The following MYO18B variants were observed in gnomAD, a reference collection of about 807,000 sequenced individuals.
MYO18B encodes the protein unconventional myosin-XVIIIb.
Under a neutral mutation model 273.0 loss-of-function variants are expected in MYO18B, and 204 were observed. The ratio of observed to expected loss-of-function variants is 0.75; its 90% CI spans 0.67 to 0.84. MYO18B has a LOEUF of 0.84. MYO18B is among the 40% of genes least tolerant of loss of function. MYO18B has a pLI of 0.00. For synonymous variants in MYO18B, 1,330 were observed against 1,305.7 expected, an observed-to-expected ratio of 1.02 and a Z score of -0.40; for missense variants, 3,212 against 3,287.6, an observed-to-expected ratio of 0.98 and a Z score of 0.56.
intron 39 of MYO18B, among the ~76,000 whole-genome samples, chr22:25,986,380 C>T (rs1412919978): frequency 6.6e-6 from 1 of 152,048 alleles, no homozygotes; most frequent in South Asian, 2.1e-4. Flanking sequence ...TTGAGGAGTG[C>T]TCAAAGGAAT....
At chr22:25,905,848 C>T (rs1219874970) in intron 31 of MYO18B, among the ~76,000 whole-genome samples, 1 of 152,116 alleles carries the variant, frequency 6.6e-6, no homozygotes, top group Non-Finnish European at 1.5e-5. Flanking sequence ...CTGTGTAGGT[C>T]TTTAAAGGGC....
intron 39 of MYO18B, among the ~76,000 whole-genome samples, chr22:25,975,196 T>C (rs1490630373): frequency 6.6e-6 from 1 of 152,144 alleles, no homozygotes. Context: ...AACCTTGAGA[T>C]GTGGAGGTAA....
rs141418360 is a variant in MYO18B at position 25,758,053 on chromosome 22, G to A, written c.-109-2931G>A. On this transcript the variant is annotated intron_variant, in intron 1 of 43. Transcript: ENST00000335473. The stretch of plus-strand genomic sequence containing the variant: ...TTTTGAGACCAAGTCTCACTCCATT[G>A]CCTAGGCTGGAGTGCAGTGGCACCA... Among the ~76,000 whole-genome samples the A allele has an allele frequency of 2.4e-4, 36 of 152,286 alleles. No individual in the cohort carries two copies. In the East Asian group the frequency reaches 6.6e-3, roughly 28 times the overall value.
rs565182363 is a variant in MYO18B, at chr22:25,776,592, T to C, written c.1870-991T>C. Among the ~76,000 whole-genome samples the C allele has an allele frequency of 8.0e-3, 1,213 of 152,264 alleles. 19 individuals carry two copies. The highest frequency in any genetic ancestry group is 0.028 in the African/African-American group (1,160 of 41,542). On this transcript the variant is annotated intron_variant, in intron 7 of 43. Coordinates refer to ENST00000335473, the MANE Select transcript of MYO18B (RefSeq NM_032608.7). ...AGCCTGGGCAACAAGAGCAAAACTCTGTCTCAAAACAAAAAACAAAAACAA... is the reference window on the plus strand; with the variant it reads ...AGCCTGGGCAACAAGAGCAAAACTCCGTCTCAAAACAAAAAACAAAAACAA...
intron 27 of MYO18B, 139 bp downstream of exon 27, chr22:25,891,551 G>A: frequency 1.6e-6 from 1 of 629,432 alleles, no homozygotes; most frequent in South Asian, 2.0e-5. Flanking sequence ...AACAGGCACA[G>A]CGTACTCTCT....
intron 39 of MYO18B, among the ~76,000 whole-genome samples, chr22:25,981,110 T>C (rs545857264): frequency 1.3e-4 from 20 of 152,362 alleles, no homozygotes; most frequent in African/African-American, 4.8e-4. Flanking sequence ...ACTGGTCATA[T>C]TGGATTAGGA....
chr22:25,776,052 C>T (rs2086902028), intron 7 of MYO18B, among the ~76,000 whole-genome samples: 1 of 152,168 alleles, frequency 6.6e-6, no homozygotes, highest in Non-Finnish European at 1.5e-5. Flanking sequence ...GTCAACTCAG[C>T]CCCAAGTTCT....
chr22:25,952,946 A>C (rs1376470506), intron 38 of MYO18B, among the ~76,000 whole-genome samples: 1 of 152,234 alleles, frequency 6.6e-6, no homozygotes, highest in Non-Finnish European at 1.5e-5. Flanking sequence ...ATGTCTTTGT[A>C]AGCAATGTGG....
At chr22:25,870,856 T>G (rs2091027528) in intron 22 of MYO18B, among the ~76,000 whole-genome samples, 1 of 152,216 alleles carries the variant, frequency 6.6e-6, no homozygotes, top group African/African-American at 2.4e-5. Context: ...GACTCAGTTA[T>G]GTCATAAATA....
chr22:25,857,625 C>A lies in MYO18B; in HGVS notation c.3885+6046C>A, dbSNP rs540927672. Among the ~76,000 whole-genome samples the A allele has an allele frequency of 2.0e-5, 3 of 152,300 alleles. No homozygotes were observed. In the East Asian group the frequency reaches 5.8e-4, roughly 29 times the overall value. On this transcript the variant is annotated intron_variant, in intron 21 of 43. Transcript: ENST00000335473. ...TTATTCATCATCCCTTTCTTGTTCA[C>A]CTTGCTGTCTCCCTCCAGTTTGGGT...
intron 39 of MYO18B, among the ~76,000 whole-genome samples, chr22:25,965,928 T>A (rs1377790551): frequency 1.3e-5 from 2 of 152,114 alleles, no homozygotes; most frequent in Admixed American, 1.3e-4. Flanking sequence ...GTTGGCAGAG[T>A]AGAAGGAGTG....
chr22:25,850,561 T>C (rs2090396114), intron 20 of MYO18B, among the ~76,000 whole-genome samples: 1 of 152,208 alleles, frequency 6.6e-6, no homozygotes, highest in South Asian at 2.1e-4. Flanking sequence ...TGCTGGCTGT[T>C]ACTGTGGACT....
intron 39 of MYO18B, among the ~76,000 whole-genome samples, chr22:25,960,650 C>T (rs1031180016): frequency 2.0e-5 from 3 of 152,100 alleles, no homozygotes; most frequent in South Asian, 4.1e-4. Context: ...TGGTCAGACC[C>T]GCTGATTTTA....
chr22:25,846,186 A>G lies in MYO18B; in HGVS notation c.3455A>G (p.Gln1152Arg). ...AVAGLEGTSQ[Q>R]ALQRSRMVRR... is the part of the protein sequence containing the mutation. The stretch of plus-strand genomic sequence containing the variant: ...GCAGGCCTGGAGGGCACCTCCCAGC[A>G]GGCCCTGCAGAGGAGCCGCATGGTG... The change falls in exon 19 of 44, where the codon CAG becomes CGG. Residue 1152 changes from glutamine (Q) to arginine (R), a missense_variant. By Grantham distance (43) the Gln-to-Arg change is conservative (BLOSUM62 1). Coordinates refer to ENST00000335473, the MANE Select transcript of MYO18B (RefSeq NM_032608.7). 1 of 1,612,066 alleles carries G rather than the reference A, an allele frequency of 6.2e-7. No individual in the cohort carries two copies. Among genetic ancestry groups the G allele is most frequent in the Non-Finnish European group, 8.5e-7 (1 of 1,179,588 alleles).
chr22:25,821,708 C>T (rs934768249), intron 12 of MYO18B, among the ~76,000 whole-genome samples: 102 of 152,166 alleles, frequency 6.7e-4, no homozygotes, highest in African/African-American at 2.3e-3. Flanking sequence ...ACCCAGGAGG[C>T]GGAGCTTGCA....
intron 34 of MYO18B, among the ~76,000 whole-genome samples, chr22:25,938,308 A>G: frequency 6.6e-6 from 1 of 152,226 alleles, no homozygotes; most frequent in South Asian, 2.1e-4. Flanking sequence ...GCTATTCAAC[A>G]GTTTGTAGTT....
At position 26,004,788 on chromosome 22, in the gene MYO18B, C is replaced by T. The variant is rs1476486779; in HGVS notation, c.6403C>T (p.Leu2135=). ...LQSWLSCTLS[L]ATDTMRTPSR... is the part of the protein sequence containing the mutation. ...GTCCTGGTTGAGCTGTACTCTGTCC[C>T]TGGCCACAGATACTATGAGGACTCC... is the stretch of plus-strand genomic sequence containing the variant. The change falls in exon 42 of 44, where the codon CTG becomes TTG. Residue 2135 remains leucine, a synonymous_variant. Transcript: ENST00000335473. 3.7e-6 allele frequency: 6 copies of T among 1,613,954 alleles called. No individual in the cohort carries two copies. In the South Asian group the frequency reaches 6.6e-5, roughly 18 times the overall value.
Position 25,913,158 on chromosome 22 carries a change from A to G in MYO18B, c.5364+2108A>G, listed in dbSNP as rs528916053. Among the ~76,000 whole-genome samples the G allele has an allele frequency of 6.6e-5, 10 of 152,280 alleles. No individual in the cohort carries two copies. The South Asian group carries it at 1.9e-3, about 28-fold the overall frequency. On this transcript the variant is annotated intron_variant, in intron 33 of 43. Transcript: ENST00000335473. ...GAATGTACAATTTGGGAATTATTAAATATCGCTCAGATTATTCCCCAAAGT... is the reference window on the plus strand; with the variant it reads ...GAATGTACAATTTGGGAATTATTAAGTATCGCTCAGATTATTCCCCAAAGT...
intron 22 of MYO18B, 57 bp downstream of exon 22, chr22:25,868,442 AC>A: frequency 7.1e-7 from 1 of 1,405,706 alleles, no homozygotes; most frequent in Non-Finnish European, 9.8e-7. Flanking sequence ...CCCAGAGATG[AC>A]CTGATTCTTG....
Sources: gnomAD v4.1 joint callset for allele counts (sites outside exome capture counted in the v4.1 genomes callset) on GRCh38, gnomAD v4.1.1 for gene constraint, MANE v1.5 for transcripts, NCBI Gene and HGNC (gene_info 2026-07-23, HGNC 2026-07-21) for gene names.